Variants in PANK2 observed in about 807,000 individuals in gnomAD.
The protein encoded by PANK2 is pantothenate kinase 2.
In PANK2, 36 loss-of-function variants were observed where a neutral mutation model predicts 43.1. The observed-to-expected ratio is 0.84, with a 90% CI of 0.64 to 1.10. The LOEUF (loss-of-function observed/expected upper bound fraction) is 1.10, where lower values mean the gene tolerates loss of function less well. PANK2 is among the 50% of genes least tolerant of loss of function. The pLI is 0.00. For synonymous variants in PANK2, 281 were observed against 238.2 expected, an observed-to-expected ratio of 1.18 and a Z score of -1.66; for missense variants, 576 against 593.3, an observed-to-expected ratio of 0.97 and a Z score of 0.30.
At chr20:3,920,039 TTAAG>T (rs1352465284) in intron 6 of PANK2, among the ~76,000 whole-genome samples, 1 of 152,234 alleles carries the variant, frequency 6.6e-6, no homozygotes, top group Non-Finnish European at 1.5e-5. Flanking sequence ...CGAATTGCCA[TTAAG>T]TTTCTTACAG....
At chr20:3,893,308 A>C (rs190571066) in intron 1 of PANK2, among the ~76,000 whole-genome samples, 23 of 152,302 alleles carry the variant, frequency 1.5e-4, no homozygotes, top group Admixed American at 8.5e-4. Flanking sequence ...TGTAATCCAG[A>C]GCTGTGGTTC....
At chr20:3,888,952 A>ATCT, upstream of PANK2, 31 of 558,446 alleles carry the variant, frequency 5.6e-5, no homozygotes, top group South Asian at 2.6e-4. Context: ...CAGCGGCCAG[A>ATCT]CGCTGCGGGA....
chr20:3,899,447 A>T (rs1209273837), intron 1 of PANK2, among the ~76,000 whole-genome samples: 1 of 151,086 alleles, frequency 6.6e-6, no homozygotes, highest in Non-Finnish European at 1.5e-5. Flanking sequence ...CTGGGATTAC[A>T]GATGTGAGCC....
At chr20:3,919,032 A>AG (rs1412543428) in intron 6 of PANK2, among the ~76,000 whole-genome samples, 1 of 152,186 alleles carries the variant, frequency 6.6e-6, no homozygotes, top group African/African-American at 2.4e-5. Context: ...TCAGTCTCTT[A>AG]AGTAGCTGGG....
chr20:3,895,787 C>G (rs1286366355), intron 1 of PANK2, among the ~76,000 whole-genome samples: 1 of 152,042 alleles, frequency 6.6e-6, no homozygotes, highest in Admixed American at 6.6e-5. Context: ...TAGTTCGTTA[C>G]ATTTTGTGTG....
At chr20:3,888,875 G>C, upstream of PANK2, 1 of 489,208 alleles carries the variant, frequency 2.0e-6, no homozygotes, top group Non-Finnish European at 3.6e-6. Context: ...GACGGCAGCT[G>C]CGGAACTAGG....
At chr20:3,896,065 T>C (rs2146826139) in intron 1 of PANK2, among the ~76,000 whole-genome samples, 1 of 151,660 alleles carries the variant, frequency 6.6e-6, no homozygotes, top group Non-Finnish European at 1.5e-5. Context: ...ACTGTGTGTT[T>C]CTTTTTTTTT....
In PANK2 at chr20:3,916,259, T is replaced by C. The variant is rs186042016; in HGVS notation, c.1083-668T>C. Among the ~76,000 whole-genome samples, 7 of 152,348 alleles carry C rather than the reference T, an allele frequency of 4.6e-5. No individual in the cohort carries two copies. In the East Asian group the frequency reaches 7.7e-4, roughly 17 times the overall value. Reference sequence around the variant, plus strand: ...AGATCGTTTAGAAGTACAATTGTTTTTCGTATATTGGGGCACATGGCTTTT... The same window carrying C: ...AGATCGTTTAGAAGTACAATTGTTTCTCGTATATTGGGGCACATGGCTTTT... On this transcript the variant is annotated intron_variant, in intron 4 of 6. Coordinates refer to ENST00000610179, the MANE Select transcript of PANK2 (RefSeq NM_001386393.1).
In PANK2 at chr20:3,924,532, C is replaced by T. The variant is rs2090693328; in HGVS notation, c.*1238C>T. On this transcript the variant is annotated 3_prime_UTR_variant, in exon 7 of 7. Transcript: ENST00000610179. ...GGGCTGTTCCACTAGGCGTGGCCAC[C>T]TCTGCACATGGGCCTTGGCACTTAG... 1 of 152,590 alleles carries T rather than the reference C, an allele frequency of 6.6e-6. No individual in the cohort carries two copies. The highest frequency in any genetic ancestry group is 2.4e-5 in the African/African-American group (1 of 41,440). 9.5% of individuals were successfully genotyped at this position (152,590 alleles called of 1,614,324 possible).
At chr20:3,902,840 T>TAG (rs771081185) in intron 1 of PANK2, among the ~76,000 whole-genome samples, 36 of 152,128 alleles carry the variant, frequency 2.4e-4, no homozygotes, top group South Asian at 2.1e-4. Flanking sequence ...TGCTGTTAAA[T>TAG]ATATCTGTCA....
Position 3,925,077 on chromosome 20 carries a change from C to G in PANK2, c.*1783C>G, listed in dbSNP as rs1374091411. 6.6e-6 allele frequency: 1 copy of G among 152,398 alleles called. No homozygotes were observed. The highest frequency in any genetic ancestry group is 1.5e-5 in the Non-Finnish European group (1 of 68,172). The allele number at this position is 152,398 out of a possible 1,614,324, so 9.4% of individuals were successfully genotyped here. ...AGCTGGAAAAGAGTAGAGCTGGACTCAAACCCGGGACTGTCTGTCTCTGGT... is the reference window on the plus strand; with the variant it reads ...AGCTGGAAAAGAGTAGAGCTGGACTGAAACCCGGGACTGTCTGTCTCTGGT... On this transcript the variant is annotated 3_prime_UTR_variant, in exon 7 of 7. Coordinates refer to ENST00000610179, the MANE Select transcript of PANK2 (RefSeq NM_001386393.1).
intron 2 of PANK2, 37 bp downstream of exon 2, chr20:3,908,315 TTTGA>T (rs1464564682): frequency 6.6e-7 from 1 of 1,507,866 alleles, no homozygotes; most frequent in African/African-American, 1.4e-5. Context: ...TTTATGGTAA[TTTGA>T]TTGTTAAAAA....
At chr20:3,910,306 TTG>T (rs1491580842) in intron 2 of PANK2, among the ~76,000 whole-genome samples, 2 of 151,050 alleles carry the variant, frequency 1.3e-5, no homozygotes, top group African/African-American at 4.9e-5. Context: ...TTTTTTTTTT[TTG>T]TTTTTTTTGT....
chr20:3,919,283 G>A (rs2090611949), intron 6 of PANK2, among the ~76,000 whole-genome samples: 1 of 151,864 alleles, frequency 6.6e-6, no homozygotes, highest in African/African-American at 2.4e-5. Flanking sequence ...GTAAATTTTG[G>A]GTTAATTTAA....
chr20:3,889,064 G>C, upstream of PANK2: 1 of 1,487,876 alleles, frequency 6.7e-7, no homozygotes, highest in South Asian at 1.3e-5. Context: ...CGGGGGGGCA[G>C]AGGCATGCAC....
chr20:3,893,199 T>C (rs1456736854), intron 1 of PANK2, among the ~76,000 whole-genome samples: 1 of 152,100 alleles, frequency 6.6e-6, no homozygotes, highest in Non-Finnish European at 1.5e-5. Flanking sequence ...CAAGGCCATA[T>C]AGTGAGTTAG....
At chr20:3,918,817 T>C in intron 6 of PANK2, 21 bp downstream of exon 6, 1 of 1,614,200 alleles carries the variant, frequency 6.2e-7, no homozygotes, top group Non-Finnish European at 8.5e-7. Flanking sequence ...TTGTTCGTTG[T>C]GGTATATTAT....
At chr20:3,890,627 G>C (rs2090107965) in intron 1 of PANK2, among the ~76,000 whole-genome samples, 1 of 152,190 alleles carries the variant, frequency 6.6e-6, no homozygotes, top group Non-Finnish European at 1.5e-5. Context: ...GGTGTTGCCA[G>C]ATTCCTATTT....
Position 3,910,718 on chromosome 20 carries a change from T to G in PANK2, c.793T>G (p.Leu265Val). The G allele has an allele frequency of 6.2e-7, 1 of 1,614,192 alleles. No homozygotes were observed. Among genetic ancestry groups the G allele is most frequent in the Non-Finnish European group, 8.5e-7 (1 of 1,180,024 alleles). The stretch of plus-strand genomic sequence containing the variant: ...TGCTGATTCTGAAAAGTGTCAGAAG[T>G]TACCATTTGATTTGAAAAATCCGTA... Residue 265 changes from leucine to valine, a missense_variant, in exon 3 of 7, where the codon TTA becomes GTA. By Grantham distance (32) the Leu-to-Val change is conservative (BLOSUM62 1). Coordinates refer to ENST00000610179, the MANE Select transcript of PANK2 (RefSeq NM_001386393.1).
Sources: allele counts gnomAD v4.1 joint callset (sites outside exome capture counted in the v4.1 genomes callset), GRCh38; gene constraint gnomAD v4.1.1; transcripts MANE v1.5; gene names NCBI Gene and HGNC (gene_info 2026-07-23, HGNC 2026-07-21).